Variants in BOLL observed in about 807,000 individuals in gnomAD.
BOLL encodes the protein protein boule-like.
BOLL carries 23 observed loss-of-function variants against 44.4 expected under a neutral mutation model. The observed-to-expected ratio is 0.52, with a 90% CI of 0.37 to 0.73. BOLL has a LOEUF of 0.73. Ranked by LOEUF, BOLL falls within the 30% of genes least tolerant of loss-of-function variation. The probability of loss-of-function intolerance (pLI) is 0.00; values close to 1 mark genes in which losing one functional copy is unlikely to be tolerated. For synonymous variants in BOLL, 97 were observed against 110.8 expected (o/e 0.88, Z 0.78); for missense variants, 287 against 338.3 (o/e 0.85, Z 1.19).
chr2:197,743,333 A>G (rs1687845570), intron 9 of BOLL, among the ~76,000 whole-genome samples, 174 bp from the exon 10 acceptor site: 1 of 152,242 alleles, frequency 6.6e-6, no homozygotes, highest in Non-Finnish European at 1.5e-5. Context: ...GAATTAACTT[A>G]TGAATTAACT....
rs755544199 is a variant in BOLL at position 197,756,523 on chromosome 2, G to C, written c.634C>G (p.Gln212Glu). The change falls in exon 9 of 11, where the codon CAA becomes GAA. Residue 212 changes from glutamine to glutamate, a missense_variant. Transcript: ENST00000392296. Reference protein sequence around the residue: ...SASSAPFLYLQPSEVIYQPVE... With the variant: ...SASSAPFLYLEPSEVIYQPVE... ...GGTTGATAAATAACCTCAGAAGGTT[G>C]CAGGTATAAGAATGGAGCAGAAGAG... 4.3e-6 allele frequency: 7 copies of C among 1,611,784 alleles called. No homozygotes were observed. The highest frequency in any genetic ancestry group is 5.1e-6 in the Non-Finnish European group (6 of 1,178,558).
In BOLL at chr2:197,775,710, G is replaced by T; in HGVS notation, c.307C>A (p.Leu103Met). 6.4e-7 allele frequency: 1 copy of T among 1,563,050 alleles called. No individual in the cohort carries two copies. Among genetic ancestry groups the T allele is most frequent in the Non-Finnish European group, 8.7e-7 (1 of 1,153,104 alleles). ...AEKLNYKDKK[L>M]NIGPAIRKQQ... is the part of the protein sequence containing the mutation. ...TTTCTTATTGCTGGACCAATGTTCA[G>T]CTTCTTATCCTTATAATTAAGTTTT... The change falls in exon 5 of 11, where the codon CTG becomes ATG. Residue 103 changes from leucine to methionine, a missense_variant. Transcript: ENST00000392296.
At chr2:197,770,991 T>C (rs1689225575) in intron 6 of BOLL, among the ~76,000 whole-genome samples, 1 of 152,130 alleles carries the variant, frequency 6.6e-6, no homozygotes, top group Non-Finnish European at 1.5e-5. Flanking sequence ...AGCCATCCCA[T>C]TACTGGGTAT....
intron 10 of BOLL, among the ~76,000 whole-genome samples, chr2:197,742,546 C>T (rs1378402603): frequency 1.3e-5 from 2 of 152,022 alleles, no homozygotes; most frequent in Admixed American, 1.3e-4. Flanking sequence ...CCATCATTCT[C>T]AGCAAACTAT....
rs13425988 is a variant in BOLL at position 197,757,654 on chromosome 2, C to T, written c.553-254G>A. On this transcript the variant is annotated intron_variant, in intron 7 of 10. Coordinates refer to ENST00000392296, the MANE Select transcript of BOLL (RefSeq NM_033030.6). The stretch of plus-strand genomic sequence containing the variant: ...GGAAATGTTTTTAAAATTATGGTTC[C>T]AAAAGCATAAACAACAAAGCAACAA... Among the ~76,000 whole-genome samples the T allele has an allele frequency of 0.09, 13,635 of 152,056 alleles. 673 individuals are homozygous for T. Among genetic ancestry groups the T allele is most frequent in the Non-Finnish European group, 0.1 (7,130 of 67,946 alleles).
chr2:197,781,704 G>A lies in BOLL; in HGVS notation c.129+18C>T, dbSNP rs1349697327. ...TTCTAATGAAAAAATACACTTTACTGCATGCATAAATAGGTACCTTAAAAT... is the reference window on the plus strand; with the variant it reads ...TTCTAATGAAAAAATACACTTTACTACATGCATAAATAGGTACCTTAAAAT... On this transcript the variant is annotated intron_variant, in intron 2 of 10. Coordinates refer to ENST00000392296, the MANE Select transcript of BOLL (RefSeq NM_033030.6). 4.0e-6 allele frequency: 6 copies of A among 1,502,264 alleles called. No individual in the cohort carries two copies. In the East Asian group the frequency reaches 1.2e-4, roughly 29 times the overall value. 93.1% of individuals were successfully genotyped at this position (1,502,264 alleles called of 1,614,324 possible). A position where few individuals can be genotyped will look rare whatever the true frequency, so the allele number is the denominator to read the frequency against.
chr2:197,762,160 A>G (rs1035589457), intron 7 of BOLL, among the ~76,000 whole-genome samples: 2 of 152,168 alleles, frequency 1.3e-5, no homozygotes, highest in Non-Finnish European at 2.9e-5. Flanking sequence ...CCTGACCAAT[A>G]TGGTGAAACC....
chr2:197,729,879 A>G (rs573382138), intron 10 of BOLL, among the ~76,000 whole-genome samples: 2 of 151,848 alleles, frequency 1.3e-5, no homozygotes, highest in Non-Finnish European at 2.9e-5. Flanking sequence ...AGAACAGAAA[A>G]ACTGGAAACT....
At position 197,759,134 on chromosome 2, in the gene BOLL, G is replaced by T. The variant is rs894549647; in HGVS notation, c.553-1734C>A. 4.1e-6 allele frequency: 3 copies of T among 731,002 alleles called. No homozygotes were observed. In the South Asian group the frequency reaches 5.3e-5, roughly 13 times the overall value. The allele number at this position is 731,002 out of a possible 1,614,324, so 45.3% of individuals were successfully genotyped here. A position where few individuals can be genotyped will look rare whatever the true frequency, so the allele number is the denominator to read the frequency against. ...GGCAAAGAATAAACAGCTACAATTTGACAGGAGCATCAAAAGGAGAGTGCT... is the reference window on the plus strand; with the variant it reads ...GGCAAAGAATAAACAGCTACAATTTTACAGGAGCATCAAAAGGAGAGTGCT... On this transcript the variant is annotated intron_variant, in intron 7 of 10. Transcript: ENST00000392296.
intron 7 of BOLL, among the ~76,000 whole-genome samples, chr2:197,760,201 C>T (rs925059941): frequency 2.4e-4 from 37 of 152,294 alleles, no homozygotes; most frequent in East Asian, 1.7e-3. Context: ...GGTGATCCAC[C>T]CTGTGCCTAT....
At chr2:197,728,625 A>C (rs1686961841) in intron 10 of BOLL, 47 bp from the exon 11 acceptor site, 6 of 1,383,978 alleles carry the variant, frequency 4.3e-6, no homozygotes, top group Non-Finnish European at 6.1e-6. Flanking sequence ...GAATGGAAAA[A>C]AAAAGATAAG....
At chr2:197,772,704 A>G (rs1689323804) in intron 5 of BOLL, among the ~76,000 whole-genome samples, 1 of 151,956 alleles carries the variant, frequency 6.6e-6, no homozygotes, top group Non-Finnish European at 1.5e-5. Flanking sequence ...AACAGTAAAT[A>G]ATATACATAG....
chr2:197,751,699 C>T (rs1290801109), intron 9 of BOLL, among the ~76,000 whole-genome samples: 13 of 152,032 alleles, frequency 8.6e-5, no homozygotes. Context: ...GATTCATAGC[C>T]GAATTCTACC....
intron 7 of BOLL, 120 bp from the exon 8 acceptor site, chr2:197,757,520 G>T: frequency 1.3e-6 from 1 of 760,572 alleles, no homozygotes; most frequent in Non-Finnish European, 2.1e-6. Flanking sequence ...ATTAACTCAA[G>T]CCATATACAA....
At chr2:197,750,661 C>T (rs1688200625) in intron 9 of BOLL, among the ~76,000 whole-genome samples, 1 of 152,116 alleles carries the variant, frequency 6.6e-6, no homozygotes, top group Non-Finnish European at 1.5e-5. Context: ...TTCTTAGAAA[C>T]CTACACAGAG....
chr2:197,740,185 G>C (rs1417678453), intron 10 of BOLL, among the ~76,000 whole-genome samples: 2 of 152,052 alleles, frequency 1.3e-5, no homozygotes. Flanking sequence ...GAAGGGTCAC[G>C]AGAAGACCGG....
At chr2:197,757,640 T>G (rs1054852623) in intron 7 of BOLL, among the ~76,000 whole-genome samples, 7 of 152,114 alleles carry the variant, frequency 4.6e-5, no homozygotes, top group Non-Finnish European at 8.8e-5. Context: ...GAAATGTTTT[T>G]AAAATTATGG....
At chr2:197,729,021 C>T (rs559749945) in intron 10 of BOLL, among the ~76,000 whole-genome samples, 3 of 152,296 alleles carry the variant, frequency 2.0e-5, no homozygotes, top group East Asian at 1.9e-4. Context: ...CCAGCGTGAG[C>T]GACGCAGAAG....
chr2:197,776,914 A>G, intron 4 of BOLL, 145 bp downstream of exon 4: 2 of 534,582 alleles, frequency 3.7e-6, no homozygotes, highest in Non-Finnish European at 6.4e-6. Flanking sequence ...GCTCTTCTGC[A>G]GATTAAGTTT....
Sources: allele counts gnomAD v4.1 joint callset (sites outside exome capture counted in the v4.1 genomes callset), GRCh38; gene constraint gnomAD v4.1.1; transcripts MANE v1.5; gene names NCBI Gene and HGNC (gene_info 2026-07-23, HGNC 2026-07-21).